Variants in CEBPZ observed in about 807,000 individuals in gnomAD.
CEBPZ encodes CCAAT enhancer binding protein zeta.
In CEBPZ, 78 loss-of-function variants were observed where a neutral mutation model predicts 104.5. The observed-to-expected ratio is 0.75, with a 90% CI of 0.62 to 0.90. The LOEUF (loss-of-function observed/expected upper bound fraction) is 0.90, where lower values mean the gene tolerates loss of function less well. Among genes scored for constraint, CEBPZ ranks in the 40% least tolerant of loss-of-function variants. The pLI, the probability that CEBPZ is intolerant of heterozygous loss-of-function variation, is 0.00. For synonymous variants in CEBPZ, 470 were observed against 427.0 expected, an observed-to-expected ratio of 1.10 and a Z score of -1.24; for missense variants, 1,439 against 1,233.5, an observed-to-expected ratio of 1.17 and a Z score of -2.50.
chr2:37,213,278 T>A (rs1468028560), intron 10 of CEBPZ, among the ~76,000 whole-genome samples: 1 of 152,224 alleles, frequency 6.6e-6, no homozygotes, highest in East Asian at 1.9e-4. Flanking sequence ...CTTTTTCACA[T>A]GAGATTTGGC....
At chr2:37,205,705 C>T (rs1677515352) in intron 13 of CEBPZ, among the ~76,000 whole-genome samples, 1 of 152,178 alleles carries the variant, frequency 6.6e-6, no homozygotes, top group South Asian at 2.1e-4. Context: ...TAGCAGTAAG[C>T]AGAAGCCAGA....
At chr2:37,206,227 A>C (rs1677535244) in intron 13 of CEBPZ, among the ~76,000 whole-genome samples, 1 of 152,266 alleles carries the variant, frequency 6.6e-6, no homozygotes, top group Non-Finnish European at 1.5e-5. Context: ...GCGTGTGGCA[A>C]CGTGTTTAGT....
At chr2:37,208,985 T>C (rs968060199) in intron 13 of CEBPZ, 3 of 150,056 alleles carry the variant, frequency 2.0e-5, no homozygotes, top group African/African-American at 7.4e-5. Flanking sequence ...AGCATTGCTA[T>C]ACACCAACAG....
intron 2 of CEBPZ, among the ~76,000 whole-genome samples, chr2:37,225,563 G>A (rs1216279246): frequency 8.2e-6 from 1 of 122,156 alleles, no homozygotes; most frequent in Admixed American, 9.1e-5. Flanking sequence ...TGCTCCTTAA[G>A]AGTCATCACC....
chr2:37,212,855 A>C (rs866909888), intron 10 of CEBPZ, among the ~76,000 whole-genome samples: 17 of 147,612 alleles, frequency 1.2e-4, no homozygotes, highest in East Asian at 5.9e-4. Context: ...AAAAAAACAA[A>C]AACAACAACA....
In CEBPZ at chr2:37,210,861, C is replaced by T. The variant is rs1294707950; in HGVS notation, c.2884+138G>A. ...TTCAAAATGTGGAAAATAATTTCCACTTAACATCTTTCTTAAAAAGAACCC... is the reference window on the plus strand; with the variant it reads ...TTCAAAATGTGGAAAATAATTTCCATTTAACATCTTTCTTAAAAAGAACCC... On this transcript the variant is annotated intron_variant, in intron 13 of 15. Transcript: ENST00000234170. 6.1e-6 allele frequency: 3 copies of T among 493,506 alleles called. No homozygotes were observed. The Admixed American group carries it at 1.2e-4, about 19-fold the overall frequency. The allele number at this position is 493,506 out of a possible 1,614,324, so 30.6% of individuals were successfully genotyped here.
intron 13 of CEBPZ, chr2:37,203,634 T>C (rs1677394125): frequency 6.6e-6 from 1 of 152,226 alleles, no homozygotes; most frequent in Non-Finnish European, 1.5e-5. Context: ...TAACGCATTT[T>C]GGTAAATTTA....
chr2:37,202,821 G>T lies in CEBPZ; in HGVS notation c.2988C>A (p.Asn996Lys). The change falls in exon 15 of 16, where the codon AAC becomes AAA. Residue 996 changes from asparagine to lysine, a missense_variant. By Grantham distance (94) the Asn-to-Lys change is moderately conservative (BLOSUM62 0). Transcript: ENST00000234170. ...LDENMGSKFD[N>K]IGMNAMANKD... The stretch of plus-strand genomic sequence containing the variant: ...TGTTAGCCATGGCATTCATGCCAAT[G>T]TTATCAAACTTGGATCCCATATTTT... 1 of 1,599,226 alleles carries T rather than the reference G, an allele frequency of 6.3e-7. No individual in the cohort carries two copies. Among genetic ancestry groups the T allele is most frequent in the Non-Finnish European group, 8.5e-7 (1 of 1,173,354 alleles).
rs1400803883 is a variant in CEBPZ, at chr2:37,231,417, T to C, written c.151A>G (p.Thr51Ala). ...SLEEVLRLGG[T>A]KQDYLMLATL... ...CCGGAGCCCGCGGCCGTTACCTTGG[T>C]GCCTCCGAGCCGTAACACTTCCTCC... Residue 51 changes from threonine to alanine, a missense_variant, in exon 1 of 16, where the codon ACC (threonine) becomes GCC (alanine). Transcript: ENST00000234170. 2 of 1,613,938 alleles carry C rather than the reference T, an allele frequency of 1.2e-6. No homozygotes were observed. Among genetic ancestry groups the C allele is most frequent in the South Asian group, 1.1e-5 (1 of 91,064 alleles).
intron 5 of CEBPZ, among the ~76,000 whole-genome samples, chr2:37,219,857 C>T (rs1459692366): frequency 1.3e-5 from 2 of 152,164 alleles, no homozygotes; most frequent in Non-Finnish European, 2.9e-5. Context: ...AAGCAACAGT[C>T]ATAACCCATG....
rs200426334 is a variant in CEBPZ at position 37,227,517 on chromosome 2, T to C, written c.1649+27A>G. The C allele has an allele frequency of 9.3e-5, 145 of 1,555,040 alleles. 2 individuals carry two copies. The South Asian group carries it at 1.6e-3, about 17-fold the overall frequency. On this transcript the variant is annotated intron_variant, in intron 2 of 15. Transcript: ENST00000234170. ...TACTACATCAAGTTATTATTTCATG[T>C]CTCATATTGGAAGGGTATGTTCTTA...
At chr2:37,202,183 CAA>C in intron 15 of CEBPZ, 1 of 202,836 alleles carries the variant, frequency 4.9e-6, no homozygotes, top group African/African-American at 2.3e-5. Context: ...CAGTAACAAT[CAA>C]TATGTAAAAA....
chr2:37,226,685 G>A (rs969037467), intron 2 of CEBPZ, among the ~76,000 whole-genome samples: 1 of 152,096 alleles, frequency 6.6e-6, no homozygotes, highest in African/African-American at 2.4e-5. Context: ...AGGCGGCGTG[G>A]CTTAAGTCTA....
At chr2:37,227,169 G>A (rs1457795166) in intron 2 of CEBPZ, among the ~76,000 whole-genome samples, 1 of 152,206 alleles carries the variant, frequency 6.6e-6, no homozygotes, top group Admixed American at 6.5e-5. Flanking sequence ...ATAGAGGACT[G>A]AGGAGAATGG....
intron 4 of CEBPZ, among the ~76,000 whole-genome samples, chr2:37,221,005 G>T (rs972109507): frequency 6.6e-6 from 1 of 151,990 alleles, no homozygotes; most frequent in African/African-American, 2.4e-5. Context: ...TCAAAAATAA[G>T]TAAGTAAAAG....
At chr2:37,207,131 C>G (rs557562617) in intron 13 of CEBPZ, among the ~76,000 whole-genome samples, 1 of 152,276 alleles carries the variant, frequency 6.6e-6, no homozygotes, top group Admixed American at 6.5e-5. Flanking sequence ...GCACCTACCA[C>G]CAGAGCTTCC....
chr2:37,209,697 C>G (rs934713414), intron 13 of CEBPZ: 1 of 152,118 alleles, frequency 6.6e-6, no homozygotes, highest in Non-Finnish European at 1.5e-5. Flanking sequence ...TAGAATATAA[C>G]ATTGGAAAAA....
intron 5 of CEBPZ, among the ~76,000 whole-genome samples, chr2:37,219,938 C>T (rs2148357401): frequency 6.6e-6 from 1 of 152,178 alleles, no homozygotes; most frequent in African/African-American, 2.4e-5. Flanking sequence ...GTATCTTCCC[C>T]CAAATGTGGA....
At chr2:37,213,743 T>C in intron 10 of CEBPZ, 121 bp downstream of exon 10, 2 of 654,094 alleles carry the variant, frequency 3.1e-6, no homozygotes, top group Non-Finnish European at 5.1e-6. Flanking sequence ...CCACTGTGAT[T>C]TGCATGATAT....
Sources: allele counts gnomAD v4.1 joint callset (sites outside exome capture counted in the v4.1 genomes callset), GRCh38; gene constraint gnomAD v4.1.1; transcripts MANE v1.5; gene names NCBI Gene and HGNC (gene_info 2026-07-23, HGNC 2026-07-21).